Variants in ERN1 observed in about 807,000 individuals in gnomAD.
ERN1 encodes the protein endoplasmic reticulum to nucleus signaling 1, also known as serine/threonine-protein kinase/endoribonuclease IRE1.
In ERN1, 39 loss-of-function variants were observed where a neutral mutation model predicts 113.1. The observed-to-expected ratio is 0.34, with a 90% CI of 0.27 to 0.45. The LOEUF is 0.45. Ranked by LOEUF, ERN1 falls within the 20% of genes least tolerant of loss-of-function variation. ERN1 has a pLI of 1.00. For missense variants in ERN1, 976 were observed against 1,274.8 expected, an observed-to-expected ratio of 0.77 and a Z score of 3.57; for synonymous variants, 507 against 515.9, an observed-to-expected ratio of 0.98 and a Z score of 0.23.
At chr17:64,129,139 C>T (rs537618723) in intron 1 of ERN1, 2 of 152,220 alleles carry the variant, frequency 1.3e-5, no homozygotes, top group African/African-American at 4.8e-5. Flanking sequence ...AAAGTGCCCC[C>T]AAATCCACAG....
intron 1 of ERN1, among the ~76,000 whole-genome samples, chr17:64,105,486 G>A (rs909604712): frequency 6.6e-6 from 1 of 152,140 alleles, no homozygotes; most frequent in African/African-American, 2.4e-5. Context: ...CAGACCAGAA[G>A]TTTATATAAT....
chr17:64,086,147 C>T (rs1913917967), intron 2 of ERN1, among the ~76,000 whole-genome samples: 1 of 152,200 alleles, frequency 6.6e-6, no homozygotes, highest in South Asian at 2.1e-4. Flanking sequence ...TGCTCTTCTG[C>T]ACACTCTCCT....
chr17:64,085,874 T>C (rs1455329098), intron 2 of ERN1, among the ~76,000 whole-genome samples: 2 of 152,182 alleles, frequency 1.3e-5, no homozygotes, highest in Non-Finnish European at 2.9e-5. Context: ...AACTACTCCT[T>C]GCCTCAAGGT....
chr17:64,066,253 T>A (rs934479434), intron 8 of ERN1, among the ~76,000 whole-genome samples: 2 of 152,210 alleles, frequency 1.3e-5, no homozygotes, highest in African/African-American at 4.8e-5. Flanking sequence ...CCCTACCACC[T>A]AAGATAGATC....
chr17:64,106,451 G>C (rs993819817), intron 1 of ERN1, among the ~76,000 whole-genome samples: 2 of 152,166 alleles, frequency 1.3e-5, no homozygotes, highest in African/African-American at 4.8e-5. Flanking sequence ...GGAAGGGCAT[G>C]CCACACAGGG....
At chr17:64,075,042 G>C (rs1913543224) in intron 5 of ERN1, 133 bp downstream of exon 5, 1 of 745,254 alleles carries the variant, frequency 1.3e-6, no homozygotes, top group South Asian at 1.6e-5. Context: ...GGGGAGAACA[G>C]CACCTGAAGC....
chr17:64,075,894 G>A (rs977971768), intron 4 of ERN1, among the ~76,000 whole-genome samples: 2 of 152,218 alleles, frequency 1.3e-5, no homozygotes, highest in African/African-American at 2.4e-5. Context: ...GATGCTGAAG[G>A]GATGCAACCT....
chr17:64,066,842 G>A lies in ERN1; in HGVS notation c.671C>T (p.Ser224Phe), dbSNP rs138082110. The change falls in exon 8 of 22, where the codon TCC (serine) becomes TTC (phenylalanine). Residue 224 changes from serine to phenylalanine, a missense_variant. Transcript: ENST00000433197. The part of the protein sequence containing the change: ...GDVLWIQNYA[S>F]PVVAFYVWQR... ...CCAGACATAAAAGGCCACCACAGGG[G>A]AGGCGTAGTTTTGGATCCACAGGAC... 8.1e-6 allele frequency: 13 copies of A among 1,613,974 alleles called. No individual in the cohort carries two copies. In the South Asian group the frequency reaches 1.2e-4, roughly 15 times the overall value.
intron 18 of ERN1, among the ~76,000 whole-genome samples, chr17:64,048,482 T>C (rs1240010077): frequency 6.7e-6 from 1 of 150,282 alleles, no homozygotes; most frequent in Non-Finnish European, 1.5e-5. Context: ...GTGTTTTCTA[T>C]AATAAGAAAA....
At chr17:64,060,401 A>G in intron 11 of ERN1, 68 bp downstream of exon 11, 1 of 990,686 alleles carries the variant, frequency 1.0e-6, no homozygotes, top group Non-Finnish European at 1.6e-6. Flanking sequence ...AGGCAGAGTC[A>G]AAGTCTAATG....
intron 10 of ERN1, among the ~76,000 whole-genome samples, chr17:64,062,190 C>T (rs979320796): frequency 3.9e-5 from 6 of 152,244 alleles, no homozygotes; most frequent in African/African-American, 7.2e-5. Flanking sequence ...CAGGCTCTCC[C>T]GGGCTTATAT....
Position 64,053,332 on chromosome 17 carries a change from G to C in ERN1, c.1993C>G (p.Pro665Ala), listed in dbSNP as rs200136146. 15 of 1,611,470 alleles carry C rather than the reference G, an allele frequency of 9.3e-6. No homozygotes were observed. Among genetic ancestry groups the C allele is most frequent in the Non-Finnish European group, 1.2e-5 (14 of 1,178,922 alleles). The change falls in exon 16 of 22, where the codon CCC becomes GCC. Residue 665 changes from proline (P) to alanine (A), a missense_variant. Pro to Ala is a conservative substitution (Grantham distance 27, BLOSUM62 -1). Transcript: ENST00000433197. ...QKDFAHLGLE[P>A]ITLLQQTTSG... ...GTGGTCTGCTGCAGCAAGGTGATGG[G>C]CTCCAGGCCGAGATGCGCAAAGTCC...
intron 1 of ERN1, among the ~76,000 whole-genome samples, chr17:64,126,289 A>G (rs746240228): frequency 1.3e-5 from 2 of 152,174 alleles, no homozygotes; most frequent in Non-Finnish European, 2.9e-5. Context: ...GAGACATTTG[A>G]TTATAAAACC....
At chr17:64,066,574 C>T in intron 8 of ERN1, 97 bp downstream of exon 8, 1 of 1,438,238 alleles carries the variant, frequency 7.0e-7, no homozygotes, top group Non-Finnish European at 9.5e-7. Context: ...CAGAGACTGC[C>T]CTGTCTTTGG....
chr17:64,052,143 C>T (rs1912704029), intron 17 of ERN1, among the ~76,000 whole-genome samples: 1 of 152,072 alleles, frequency 6.6e-6, no homozygotes, highest in Non-Finnish European at 1.5e-5. Flanking sequence ...AGCCTGAGCC[C>T]AGGAGTTCAA....
intron 11 of ERN1, 43 bp downstream of exon 11, chr17:64,060,426 C>A (rs772520864): frequency 1.6e-6 from 2 of 1,287,360 alleles, no homozygotes; most frequent in Non-Finnish European, 1.1e-6. Flanking sequence ...ACCCTCCCAA[C>A]ACCTAACACC....
At chr17:64,069,591 CAT>C (rs1458717734) in intron 6 of ERN1, among the ~76,000 whole-genome samples, 1 of 152,200 alleles carries the variant, frequency 6.6e-6, no homozygotes, top group Non-Finnish European at 1.5e-5. Flanking sequence ...AACCTGAAAA[CAT>C]GTGCCTGGCT....
Position 64,054,454 on chromosome 17 carries a change from G to A in ERN1, c.1764-15C>T, listed in dbSNP as rs58103512. On this transcript the variant is annotated splice_polypyrimidine_tract_variant and intron_variant, in intron 14 of 21. Transcript: ENST00000433197. This position sits in a 1 kb window ranked among gnomAD's most constrained non-coding sequence, Gnocchi z 4.9. ...CAAACATGCCCCTGCGGGATGAGGA[G>A]TGGGAGTTGTGTCTGGGAAGCACGA... is the stretch of plus-strand genomic sequence containing the variant. 11,152 of 1,548,078 alleles carry A rather than the reference G, an allele frequency of 7.2e-3. 677 individuals carry two copies. In the African/African-American group the frequency reaches 0.13, roughly 18 times the overall value.
At chr17:64,096,126 G>A (rs76247372) in intron 2 of ERN1, among the ~76,000 whole-genome samples, 1,669 of 152,314 alleles carry the variant, frequency 0.011, 31 homozygotes, top group African/African-American at 0.038. Context: ...ACCCATACTG[G>A]TCTGTGGATG....
Sources: allele counts gnomAD v4.1 joint callset (sites outside exome capture counted in the v4.1 genomes callset), GRCh38; gene constraint gnomAD v4.1.1; non-coding constraint Gnocchi (gnomAD v3.1); transcripts MANE v1.5; gene names NCBI Gene and HGNC (gene_info 2026-07-23, HGNC 2026-07-21).